Variants in ZBTB41 observed in about 807,000 individuals in gnomAD.
ZBTB41 encodes zinc finger and BTB domain-containing protein 41.
Under a neutral mutation model 87.6 loss-of-function variants are expected in ZBTB41, and 42 were observed. That is an observed-to-expected ratio of 0.48 (90% CI 0.37 to 0.62). ZBTB41 has a LOEUF of 0.62. Among genes scored for constraint, ZBTB41 ranks in the 20% least tolerant of loss-of-function variants. ZBTB41 has a pLI of 0.00. For synonymous variants in ZBTB41, 364 were observed against 364.0 expected (o/e 1.00, Z 0.00); for missense variants, 799 against 1,078.9 (o/e 0.74, Z 3.63).
intron 10 of ZBTB41, among the ~76,000 whole-genome samples, chr1:197,164,361 C>T (rs1659266231): frequency 6.6e-6 from 1 of 151,690 alleles, no homozygotes; most frequent in Non-Finnish European, 1.5e-5. Context: ...GAGAAAAAAG[C>T]ATCAAGGAAT....
At chr1:197,166,640 T>TA (rs1169380667) in intron 10 of ZBTB41, among the ~76,000 whole-genome samples, 10 of 151,634 alleles carry the variant, frequency 6.6e-5, no homozygotes, top group Admixed American at 5.9e-4. Context: ...GGTCAGGAGT[T>TA]AGAGATCAGC....
intron 3 of ZBTB41, among the ~76,000 whole-genome samples, chr1:197,191,456 CAAA>C (rs537220441): frequency 0.013 from 1,080 of 85,282 alleles, 11 homozygotes; most frequent in African/African-American, 0.039. Flanking sequence ...AGCCCTACTT[CAAA>C]AAAAAAAAAA....
In ZBTB41 at chr1:197,184,606, A is replaced by G. The variant is rs114910476; in HGVS notation, c.1547-3489T>C. Among the ~76,000 whole-genome samples the G allele has an allele frequency of 7.6e-3, 1,158 of 152,270 alleles. 9 individuals carry two copies. The highest frequency in any genetic ancestry group is 0.025 in the African/African-American group (1,051 of 41,564). ...TATTATTTCCCTAATTCTGAAAAAT[A>G]CACTTTTATTAATATAGTTTAAAAC... On this transcript the variant is annotated intron_variant, in intron 5 of 10. Coordinates refer to ENST00000367405, the MANE Select transcript of ZBTB41 (RefSeq NM_194314.3).
intron 10 of ZBTB41, among the ~76,000 whole-genome samples, chr1:197,162,524 A>T (rs1339541428): frequency 1.3e-5 from 2 of 152,138 alleles, no homozygotes; most frequent in Non-Finnish European, 2.9e-5. Flanking sequence ...CCACAGAATC[A>T]TCTTTCTTTA....
Position 197,162,625 on chromosome 1 carries a change from G to A in ZBTB41, c.2075-2611C>T, listed in dbSNP as rs115123017. Among the ~76,000 whole-genome samples the A allele has an allele frequency of 4.3e-4, 65 of 152,262 alleles. 1 individual carries two copies. The highest frequency in any genetic ancestry group is 6.8e-3 in the Middle Eastern group (2 of 294). ...ACATCATATCATGGCTCTTACTGAT[G>A]AGAAGGGAAAGATAAAAGATTTTTA... is the stretch of plus-strand genomic sequence containing the variant. On this transcript the variant is annotated intron_variant, in intron 10 of 10. Coordinates refer to ENST00000367405, the MANE Select transcript of ZBTB41 (RefSeq NM_194314.3).
intron 5 of ZBTB41, among the ~76,000 whole-genome samples, chr1:197,183,848 A>G (rs537893331): frequency 1.3e-5 from 2 of 152,282 alleles, no homozygotes; most frequent in Admixed American, 6.5e-5. Context: ...ATCTCTTAAC[A>G]AGTCATAAAA....
chr1:197,190,039 C>T (rs1033881383), intron 4 of ZBTB41, among the ~76,000 whole-genome samples: 1 of 152,208 alleles, frequency 6.6e-6, no homozygotes, highest in East Asian at 1.9e-4. Flanking sequence ...TTGCCTCAGT[C>T]TCCAGAGCAA....
intron 10 of ZBTB41, among the ~76,000 whole-genome samples, chr1:197,171,629 T>C (rs949053386): frequency 6.6e-6 from 1 of 152,022 alleles, no homozygotes; most frequent in Admixed American, 6.6e-5. Flanking sequence ...AAGAAAGATT[T>C]TGCAAATGAC....
chr1:197,159,401 A>G lies in ZBTB41; in HGVS notation c.2688T>C (p.Thr896=). 6.2e-7 allele frequency: 1 copy of G among 1,613,868 alleles called. No homozygotes were observed. ...TCGTAGAAATATTTTGAACACCAGT[A>G]GTGCTATCAAGGCCCAGTAATGTTC... The part of the protein sequence containing the change: ...YLGTLLGLDS[T]TGVQNISTNE... The change falls in exon 11 of 11, where the codon ACT becomes ACC. Residue 896 remains threonine, a synonymous_variant. Coordinates refer to ENST00000367405, the MANE Select transcript of ZBTB41 (RefSeq NM_194314.3).
chr1:197,162,630 G>A (rs1039461002), intron 10 of ZBTB41, among the ~76,000 whole-genome samples: 18 of 152,232 alleles, frequency 1.2e-4, no homozygotes, highest in African/African-American at 4.1e-4. Context: ...CTGATGAGAA[G>A]GGAAAGATAA....
intron 5 of ZBTB41, among the ~76,000 whole-genome samples, chr1:197,186,311 T>C (rs889225620): frequency 5.9e-5 from 9 of 151,704 alleles, no homozygotes; most frequent in Non-Finnish European, 8.8e-5. Context: ...GACACAGACC[T>C]TACATCCTTT....
intron 10 of ZBTB41, among the ~76,000 whole-genome samples, chr1:197,161,496 A>G (rs1346559067): frequency 6.9e-6 from 1 of 143,950 alleles, no homozygotes; most frequent in Non-Finnish European, 1.5e-5. Flanking sequence ...GAACCTTCAA[A>G]TCCCACTACC....
chr1:197,178,538 A>AT (rs779554557), intron 6 of ZBTB41, 26 bp from the exon 7 acceptor site: 25 of 1,522,924 alleles, frequency 1.6e-5, no homozygotes, highest in Non-Finnish European at 2.0e-5. Flanking sequence ...TAGATTCGAG[A>AT]TTTTTTAAAT....
chr1:197,154,029 A>G lies in ZBTB41; in HGVS notation c.*5330T>C, dbSNP rs969307311. ...CAAAACATTTACTACACAATGTGGAACAGCTAAATGCCCAGTTTTGTATTA... is the reference window on the plus strand; with the variant it reads ...CAAAACATTTACTACACAATGTGGAGCAGCTAAATGCCCAGTTTTGTATTA... On this transcript the variant is annotated 3_prime_UTR_variant, in exon 11 of 11. Coordinates refer to ENST00000367405, the MANE Select transcript of ZBTB41 (RefSeq NM_194314.3). 3 of 152,608 alleles carry G rather than the reference A, an allele frequency of 2.0e-5. No individual in the cohort carries two copies. Among genetic ancestry groups the G allele is most frequent in the African/African-American group, 7.2e-5 (3 of 41,468 alleles). 9.5% of individuals were successfully genotyped at this position (152,608 alleles called of 1,614,324 possible).
chr1:197,181,606 G>A (rs1659749519), intron 5 of ZBTB41, among the ~76,000 whole-genome samples: 2 of 152,122 alleles, frequency 1.3e-5, no homozygotes, highest in Admixed American at 1.3e-4. Flanking sequence ...AGACAAGACA[G>A]TGTTCTACTG....
In ZBTB41 at chr1:197,154,751, T is replaced by C. The variant is rs1266933223; in HGVS notation, c.*4608A>G. ...AAAAGGGTAGGATATAAGGAAGAAC[T>C]GTCTAGTTTCTAGAAGTCGTTTAGA... On this transcript the variant is annotated 3_prime_UTR_variant, in exon 11 of 11. Transcript: ENST00000367405. The C allele has an allele frequency of 1.3e-5, 2 of 152,488 alleles. No homozygotes were observed. Among genetic ancestry groups the C allele is most frequent in the Admixed American group, 6.5e-5 (1 of 15,270 alleles). 9.4% of individuals were successfully genotyped at this position (152,488 alleles called of 1,614,324 possible). A position where few individuals can be genotyped will look rare whatever the true frequency, so the allele number is the denominator to read the frequency against.
rs1275992852 is a variant in ZBTB41, at chr1:197,155,829, T to C, written c.*3530A>G. 6.6e-6 allele frequency: 1 copy of C among 152,312 alleles called. No individual in the cohort carries two copies. Among genetic ancestry groups the C allele is most frequent in the East Asian group, 1.9e-4 (1 of 5,200 alleles). The allele number at this position is 152,312 out of a possible 1,614,324, so 9.4% of individuals were successfully genotyped here. ...CCTATTCTCCCAGCAATAAATGCCT[T>C]AATTACTTAAATGTATGCAAAGACT... is the stretch of plus-strand genomic sequence containing the variant. On this transcript the variant is annotated 3_prime_UTR_variant, in exon 11 of 11. Transcript: ENST00000367405.
At chr1:197,196,876 C>T (rs1193999870) in intron 2 of ZBTB41, among the ~76,000 whole-genome samples, 1 of 152,176 alleles carries the variant, frequency 6.6e-6, no homozygotes, top group Non-Finnish European at 1.5e-5. Context: ...CTTTGAGTCT[C>T]AGCTCAAATA....
intron 2 of ZBTB41, among the ~76,000 whole-genome samples, chr1:197,192,667 A>G (rs139976115): frequency 1.2e-3 from 181 of 152,324 alleles, no homozygotes; most frequent in Non-Finnish European, 2.0e-3. Context: ...TTAAAAACTT[A>G]GCTTTGCTCT....
Sources: gnomAD v4.1 joint callset for allele counts (sites outside exome capture counted in the v4.1 genomes callset) on GRCh38, gnomAD v4.1.1 for gene constraint, MANE v1.5 for transcripts, NCBI Gene and HGNC (gene_info 2026-07-23, HGNC 2026-07-21) for gene names.